DCHS2: variants seen among roughly 807,000 people sequenced by gnomAD.
The protein encoded by DCHS2 is protocadherin-23.
DCHS2 carries 142 observed loss-of-function variants against 182.4 expected under a neutral mutation model. The ratio of observed to expected loss-of-function variants is 0.78; its 90% CI spans 0.68 to 0.89. The LOEUF (loss-of-function observed/expected upper bound fraction) is 0.89. DCHS2 is among the 40% of genes least tolerant of loss of function. DCHS2 has a pLI of 0.00. For missense variants in DCHS2, 4,319 were observed against 4,198.6 expected, an observed-to-expected ratio of 1.03 and a Z score of -0.79; for synonymous variants, 1,740 against 1,663.3, an observed-to-expected ratio of 1.05 and a Z score of -1.12.
intron 1 of DCHS2, among the ~76,000 whole-genome samples, chr4:154,422,970 A>G (rs1204194224): frequency 6.6e-6 from 1 of 152,164 alleles, no homozygotes; most frequent in Non-Finnish European, 1.5e-5. Flanking sequence ...CCTCCTCCAT[A>G]GCTCTGTCCA....
intron 15 of DCHS2, among the ~76,000 whole-genome samples, chr4:154,257,550 C>T (rs938164329): frequency 1.3e-5 from 2 of 152,096 alleles, no homozygotes; most frequent in African/African-American, 2.4e-5. Context: ...ACACCTTTGG[C>T]GGGATGGGAG....
intron 10 of DCHS2, among the ~76,000 whole-genome samples, chr4:154,311,224 A>T (rs1735658771): frequency 3.3e-5 from 5 of 151,960 alleles, no homozygotes; most frequent in African/African-American, 1.2e-4. Context: ...TTTTAGGAAG[A>T]TCATTTTTCT....
intron 8 of DCHS2, 133 bp from the exon 9 acceptor site, chr4:154,321,355 C>A: frequency 1.0e-6 from 1 of 966,694 alleles, no homozygotes; most frequent in South Asian, 3.2e-5. Context: ...AGAAAAATGT[C>A]ATTTTTATAT....
At chr4:154,373,820 G>T in intron 2 of DCHS2, 1 of 922,606 alleles carries the variant, frequency 1.1e-6, no homozygotes, top group Non-Finnish European at 1.7e-6. Flanking sequence ...GAGAAGGTGT[G>T]CAAGCACTCA....
intron 2 of DCHS2, among the ~76,000 whole-genome samples, chr4:154,370,305 G>A (rs1307288945): frequency 6.6e-6 from 1 of 152,090 alleles, no homozygotes; most frequent in Non-Finnish European, 1.5e-5. Context: ...GTAGAGAAAA[G>A]CAGTCTTATA....
At chr4:154,332,251 A>G (rs945162670) in intron 5 of DCHS2, among the ~76,000 whole-genome samples, 1 of 152,220 alleles carries the variant, frequency 6.6e-6, no homozygotes, top group Admixed American at 6.5e-5. Context: ...GTGAAACTCT[A>G]TTCAATTTTT....
intron 16 of DCHS2, among the ~76,000 whole-genome samples, chr4:154,251,654 G>C (rs532921638): frequency 4.7e-4 from 71 of 152,244 alleles, no homozygotes; most frequent in Non-Finnish European, 9.0e-4. Context: ...GAGTAGCTGG[G>C]ATTACAGGAG....
chr4:154,350,395 A>G (rs1729552399), intron 3 of DCHS2, among the ~76,000 whole-genome samples: 1 of 152,002 alleles, frequency 6.6e-6, no homozygotes, highest in Admixed American at 6.5e-5. Context: ...CAATCTGTGA[A>G]GATCTGTAGT....
At chr4:154,350,059 A>G (rs906874194) in intron 3 of DCHS2, among the ~76,000 whole-genome samples, 2 of 152,234 alleles carry the variant, frequency 1.3e-5, no homozygotes, top group South Asian at 2.1e-4. Context: ...GATAGAAATC[A>G]TGAAACTTCT....
Position 154,333,428 on chromosome 4 carries a change from G to C in DCHS2, c.2780C>G (p.Pro927Arg). ...GDLGGKFSIH[P>R]RLGTIRTRKP... ...CCGGGTGCGAATAGTGCCCAGCCGC[G>C]GGTGAATGGAGAACTTTCCGCCGAG... The change falls in exon 5 of 20, where the codon CCG (proline) becomes CGG (arginine). Residue 927 changes from proline (P) to arginine (R), a missense_variant. Physicochemically the swap from Pro to Arg is moderately radical, Grantham distance 103 (BLOSUM62 -2). Coordinates refer to ENST00000357232, the MANE Select transcript of DCHS2 (RefSeq NM_001358235.2). The C allele has an allele frequency of 1.9e-6, 3 of 1,614,014 alleles. No individual in the cohort carries two copies. The highest frequency in any genetic ancestry group is 1.7e-4 in the Middle Eastern group (1 of 6,060).
intron 1 of DCHS2, among the ~76,000 whole-genome samples, chr4:154,414,426 G>A (rs6839125): frequency 0.11 from 16,140 of 143,984 alleles, 1,408 homozygotes; most frequent in African/African-American, 0.25. Flanking sequence ...AGGAAGCAAA[G>A]CAGAAAATTC....
chr4:154,327,620 T>A (rs893291209), intron 7 of DCHS2, among the ~76,000 whole-genome samples: 3 of 152,132 alleles, frequency 2.0e-5, no homozygotes, highest in Non-Finnish European at 4.4e-5. Flanking sequence ...AACATAATAG[T>A]AAGCCCACTT....
At chr4:154,375,813 A>C (rs1730865908) in intron 2 of DCHS2, among the ~76,000 whole-genome samples, 1 of 152,160 alleles carries the variant, frequency 6.6e-6, no homozygotes. Context: ...ATGTTAAAAG[A>C]AGCATAGCCT....
In DCHS2 at chr4:154,476,778, C is replaced by T. The variant is rs115187755; in HGVS notation, c.2052+12526G>A. On this transcript the variant is annotated intron_variant, in intron 1 of 19. Coordinates refer to ENST00000357232, the MANE Select transcript of DCHS2 (RefSeq NM_001358235.2). The stretch of plus-strand genomic sequence containing the variant: ...ATGCTGCAGAACATAAGACGCATTA[C>T]GTGGTATCAGGAAATGTCAGGTTCT... Among the ~76,000 whole-genome samples the T allele has an allele frequency of 5.2e-3, 796 of 152,246 alleles. 4 individuals carry two copies. The highest frequency in any genetic ancestry group is 0.017 in the African/African-American group (708 of 41,534).
chr4:154,336,070 C>T (rs1339866962), intron 3 of DCHS2, among the ~76,000 whole-genome samples: 3 of 152,102 alleles, frequency 2.0e-5, no homozygotes, highest in Non-Finnish European at 2.9e-5. Context: ...TGAACTAGAC[C>T]GTGTAGGGTA....
chr4:154,354,425 A>C (rs1729766330), intron 3 of DCHS2, among the ~76,000 whole-genome samples: 1 of 152,224 alleles, frequency 6.6e-6, no homozygotes, highest in Admixed American at 6.5e-5. Flanking sequence ...TAAAATTAAG[A>C]AATTATGTAT....
chr4:154,260,954 T>TA (rs1393673569), intron 14 of DCHS2, among the ~76,000 whole-genome samples: 3 of 152,172 alleles, frequency 2.0e-5, no homozygotes, highest in African/African-American at 7.2e-5. Flanking sequence ...TTAAGAAACT[T>TA]ACTCCTTTAA....
intron 1 of DCHS2, among the ~76,000 whole-genome samples, chr4:154,417,075 C>T (rs1732865453): frequency 6.6e-6 from 1 of 152,020 alleles, no homozygotes; most frequent in South Asian, 2.1e-4. Flanking sequence ...GGCGGGGTCG[C>T]CCTCTGTGAG....
At chr4:154,336,011 T>C (rs1409619158) in intron 3 of DCHS2, among the ~76,000 whole-genome samples, 2 of 152,184 alleles carry the variant, frequency 1.3e-5, no homozygotes, top group African/African-American at 2.4e-5. Context: ...ATCCCAAGTC[T>C]ACAGGATGAA....
Sources: allele counts gnomAD v4.1 joint callset (sites outside exome capture counted in the v4.1 genomes callset), GRCh38; gene constraint gnomAD v4.1.1; transcripts MANE v1.5; gene names NCBI Gene and HGNC (gene_info 2026-07-23, HGNC 2026-07-21).